SGCD: variants seen among roughly 807,000 people sequenced by gnomAD.
SGCD encodes the protein delta-sarcoglycan.
A neutral mutation model predicts 36.6 loss-of-function variants in SGCD; 18 were observed. The observed-to-expected ratio is 0.49, with a 90% confidence interval of 0.34 to 0.73. The LOEUF (loss-of-function observed/expected upper bound fraction) is 0.73. Ranked by LOEUF, SGCD falls within the 30% of genes least tolerant of loss-of-function variation. The pLI, the probability that SGCD is intolerant of heterozygous loss-of-function variation, is 0.01. For missense variants in SGCD, 387 were observed against 346.7 expected (o/e 1.12, Z -0.92); for synonymous variants, 133 against 130.6 (o/e 1.02, Z -0.12).
chr5:156,010,119 G>A (rs143855043), intron 1 of SGCD, among the ~76,000 whole-genome samples: 1 of 152,236 alleles, frequency 6.6e-6, no homozygotes, highest in African/African-American at 2.4e-5. Flanking sequence ...GTGTTAATTT[G>A]TGAAATCAAA....
intron 4 of SGCD, among the ~76,000 whole-genome samples, chr5:156,561,439 G>A (rs753149371): frequency 6.6e-6 from 1 of 152,218 alleles, no homozygotes; most frequent in Non-Finnish European, 1.5e-5. Flanking sequence ...CATAGCAAAA[G>A]ACTGGCTGAA....
At chr5:156,358,866 G>A (rs1006667470) in intron 3 of SGCD, among the ~76,000 whole-genome samples, 3 of 152,148 alleles carry the variant, frequency 2.0e-5, no homozygotes, top group Non-Finnish European at 4.4e-5. Context: ...TGTTTCCTCT[G>A]GGAGAGGAGT....
intron 1 of SGCD, among the ~76,000 whole-genome samples, chr5:156,096,274 A>G (rs150045064): frequency 6.6e-6 from 1 of 152,186 alleles, no homozygotes; most frequent in East Asian, 1.9e-4. Flanking sequence ...GCCACCAAAC[A>G]TTGTAGCCAA....
At chr5:156,712,864 T>C (rs1041752057) in intron 7 of SGCD, among the ~76,000 whole-genome samples, 2 of 152,160 alleles carry the variant, frequency 1.3e-5, no homozygotes, top group East Asian at 1.9e-4. Context: ...TTTCCTTTCA[T>C]TGCACTTAAA....
At chr5:156,442,738 A>C (rs530386553) in intron 3 of SGCD, among the ~76,000 whole-genome samples, 1 of 152,348 alleles carries the variant, frequency 6.6e-6, no homozygotes, top group South Asian at 2.1e-4. Flanking sequence ...TTAAGTTAAT[A>C]AACATACTTT....
chr5:156,057,546 A>G (rs1337184046), intron 1 of SGCD, among the ~76,000 whole-genome samples: 2 of 146,718 alleles, frequency 1.4e-5, no homozygotes, highest in Non-Finnish European at 3.1e-5. Context: ...CTGTCCTCTG[A>G]AAAAGGCCAG....
intron 7 of SGCD, among the ~76,000 whole-genome samples, chr5:156,724,485 C>T (rs1755671929): frequency 6.6e-6 from 1 of 151,954 alleles, no homozygotes; most frequent in Admixed American, 6.6e-5. Flanking sequence ...CGGGCACCTG[C>T]AGTCCCAGCT....
chr5:156,622,437 AT>A (rs1386522694), intron 6 of SGCD, among the ~76,000 whole-genome samples: 8 of 24,950 alleles, frequency 3.2e-4, no homozygotes, highest in East Asian at 2.1e-3. Context: ...TGTCTAAAAA[AT>A]AATAATAATA....
At chr5:155,983,834 TC>T (rs1758277005) in intron 1 of SGCD, among the ~76,000 whole-genome samples, 1 of 152,202 alleles carries the variant, frequency 6.6e-6, no homozygotes, top group Non-Finnish European at 1.5e-5. Flanking sequence ...GATTGTGGCT[TC>T]TTTATTGCTC....
At chr5:156,230,574 G>A (rs1451040347) in intron 3 of SGCD, among the ~76,000 whole-genome samples, 2 of 152,030 alleles carry the variant, frequency 1.3e-5, no homozygotes, top group African/African-American at 4.8e-5. Context: ...TTAGTAATTG[G>A]GGTGTCTCCT....
chr5:156,339,266 GCAAGAAA>G (rs773463488), intron 2 of SGCD, among the ~76,000 whole-genome samples: 6 of 152,168 alleles, frequency 3.9e-5, no homozygotes, highest in Non-Finnish European at 8.8e-5. Context: ...CATTTTGTGT[GCAAGAAA>G]CAGATGATCC....
chr5:155,967,624 T>C (rs559882770), intron 1 of SGCD, among the ~76,000 whole-genome samples: 2 of 152,192 alleles, frequency 1.3e-5, no homozygotes, highest in South Asian at 4.1e-4. Context: ...ACTCCTCTCT[T>C]AGCACAATGC....
intron 4 of SGCD, among the ~76,000 whole-genome samples, chr5:156,586,682 T>A (rs941298914): frequency 1.3e-5 from 2 of 152,256 alleles, no homozygotes; most frequent in African/African-American, 2.4e-5. Context: ...CTTTCAGCTT[T>A]AGCTGTTGAA....
In SGCD at chr5:156,763,311, A is replaced by T. The variant is rs531584099; in HGVS notation, c.*3921A>T. On this transcript the variant is annotated 3_prime_UTR_variant, in exon 9 of 9. Transcript: ENST00000337851. ...GTCCTCCAGAGAATAGTTTTGACTT[A>T]ACATGTCTGTTTAGCCCACATCACG... 1 of 152,770 alleles carries T rather than the reference A, an allele frequency of 6.5e-6. No homozygotes were observed. Among genetic ancestry groups the T allele is most frequent in the African/African-American group, 2.4e-5 (1 of 41,580 alleles). 9.5% of individuals were successfully genotyped at this position (152,770 alleles called of 1,614,324 possible).
chr5:155,814,088 T>C, the SGCD span, among the ~76,000 whole-genome samples: 1 of 152,236 alleles, frequency 6.6e-6, no homozygotes, highest in African/African-American at 2.4e-5. Flanking sequence ...ACTCTTAGGA[T>C]AAAATCACAA....
At chr5:156,423,782 A>G (rs1329052529) in intron 3 of SGCD, among the ~76,000 whole-genome samples, 1 of 151,988 alleles carries the variant, frequency 6.6e-6, no homozygotes, top group African/African-American at 2.4e-5. Flanking sequence ...TCTAAAGTCT[A>G]CTATGTGACC....
At chr5:156,167,524 A>C (rs951907129) in intron 3 of SGCD, among the ~76,000 whole-genome samples, 3 of 152,102 alleles carry the variant, frequency 2.0e-5, no homozygotes, top group Non-Finnish European at 4.4e-5. Context: ...CGATGTGGGA[A>C]GTGGGGCCTA....
chr5:156,552,005 A>G (rs1204972311), intron 4 of SGCD, among the ~76,000 whole-genome samples: 1 of 152,148 alleles, frequency 6.6e-6, no homozygotes, highest in Non-Finnish European at 1.5e-5. Context: ...AAGGCATTTG[A>G]TTTGGCTTGT....
chr5:156,638,979 A>G (rs1051856752), intron 6 of SGCD, among the ~76,000 whole-genome samples: 3 of 151,990 alleles, frequency 2.0e-5, no homozygotes, highest in Non-Finnish European at 2.9e-5. Flanking sequence ...CAAATTATTG[A>G]ATGATACTCA....
Sources: allele counts gnomAD v4.1 joint callset (sites outside exome capture counted in the v4.1 genomes callset), GRCh38; gene constraint gnomAD v4.1.1; transcripts MANE v1.5; gene names NCBI Gene and HGNC (gene_info 2026-07-23, HGNC 2026-07-21).